The following NOX4 variants were observed in gnomAD, a reference collection of about 807,000 sequenced individuals.
NOX4 encodes the protein NADPH oxidase 4, also known as kidney oxidase-1.
Under a neutral mutation model 87.6 loss-of-function variants are expected in NOX4, and 69 were observed. The observed-to-expected ratio is 0.79, with a 90% confidence interval of 0.65 to 0.96. NOX4 has a LOEUF of 0.96. Among genes scored for constraint, NOX4 ranks in the 40% least tolerant of loss-of-function variants. NOX4 has a pLI of 0.00. For synonymous variants in NOX4, 275 were observed against 238.2 expected (o/e 1.15, Z -1.42); for missense variants, 680 against 681.5 (o/e 1.00, Z 0.02).
intron 11 of NOX4, among the ~76,000 whole-genome samples, chr11:89,399,773 G>A (rs1188092623): frequency 1.3e-5 from 2 of 151,492 alleles, no homozygotes; most frequent in Non-Finnish European, 2.9e-5. Context: ...CCTATATTTT[G>A]AATCAACAAG....
chr11:89,328,504 G>A (rs1215592398), intron 17 of NOX4, among the ~76,000 whole-genome samples: 2 of 152,042 alleles, frequency 1.3e-5, no homozygotes, highest in South Asian at 2.1e-4. Context: ...AACTGAACCC[G>A]AGTAACTTAA....
chr11:89,396,676 C>G (rs1265930825), intron 11 of NOX4, among the ~76,000 whole-genome samples: 2 of 152,038 alleles, frequency 1.3e-5, no homozygotes, highest in Non-Finnish European at 2.9e-5. Context: ...ATCCTAGTCT[C>G]TGATAAAACA....
chr11:89,444,103 G>A, intron 5 of NOX4, 32 bp downstream of exon 5: 1 of 1,589,274 alleles, frequency 6.3e-7, no homozygotes, highest in Non-Finnish European at 8.6e-7. Context: ...CATGACAAGT[G>A]AAAGAAAAAT....
the NOX4 span, among the ~76,000 whole-genome samples, chr11:89,574,253 G>A: frequency 6.6e-6 from 1 of 152,138 alleles, no homozygotes; most frequent in Non-Finnish European, 1.5e-5. Context: ...ACGCTTGTCT[G>A]ATTCCAACCC....
At chr11:89,449,343 A>T in intron 4 of NOX4, 97 bp downstream of exon 4, 1 of 834,790 alleles carries the variant, frequency 1.2e-6, no homozygotes, top group Non-Finnish European at 1.8e-6. Context: ...GAATAAGATT[A>T]GGGAAAACTT....
intron 6 of NOX4, among the ~76,000 whole-genome samples, chr11:89,438,829 C>A (rs188838061): frequency 0.44 from 13,995 of 31,976 alleles, 2,777 homozygotes; most frequent in African/African-American, 0.55. Context: ...TATATAATAT[C>A]TTATATATTA....
At chr11:89,378,139 C>A (rs317174) in intron 11 of NOX4, among the ~76,000 whole-genome samples, 82,024 of 151,956 alleles carry the variant, frequency 0.54, 23,269 homozygotes, top group East Asian at 0.73. Flanking sequence ...CTGTGAAAAA[C>A]CACCCATATT....
chr11:89,398,499 G>A (rs1427872230), intron 11 of NOX4, among the ~76,000 whole-genome samples: 1 of 151,602 alleles, frequency 6.6e-6, no homozygotes, highest in Non-Finnish European at 1.5e-5. Flanking sequence ...ATGAACTCAG[G>A]ATTAGGCAAA....
chr11:89,408,475 CATTTAG>C (rs1942305941), intron 8 of NOX4, among the ~76,000 whole-genome samples: 2 of 152,138 alleles, frequency 1.3e-5, no homozygotes, highest in South Asian at 4.1e-4. Flanking sequence ...TTGCTAGGTG[CATTTAG>C]AAGTAGAGTG....
chr11:89,465,990 C>T (rs1269121855), intron 2 of NOX4, among the ~76,000 whole-genome samples: 2 of 152,068 alleles, frequency 1.3e-5, no homozygotes, highest in African/African-American at 4.8e-5. Context: ...AGGATTAATG[C>T]CTTTATAAGA....
At chr11:89,433,634 C>A (rs772458468) in intron 6 of NOX4, among the ~76,000 whole-genome samples, 19 of 151,880 alleles carry the variant, frequency 1.3e-4, no homozygotes, top group African/African-American at 3.9e-4. Flanking sequence ...AAACACAGAA[C>A]AAAAATTGGA....
At chr11:89,383,384 G>C (rs1343225554) in intron 11 of NOX4, among the ~76,000 whole-genome samples, 7 of 152,194 alleles carry the variant, frequency 4.6e-5, no homozygotes, top group African/African-American at 7.2e-5. Flanking sequence ...GCTACTCCCA[G>C]AGCCCCTGGA....
chr11:89,365,491 A>T (rs1355887278), intron 12 of NOX4, among the ~76,000 whole-genome samples: 1 of 151,940 alleles, frequency 6.6e-6, no homozygotes, highest in Non-Finnish European at 1.5e-5. Flanking sequence ...GTGAAGGCAA[A>T]TAACAGACAT....
At chr11:89,445,218 T>C (rs549393192) in intron 4 of NOX4, among the ~76,000 whole-genome samples, 3 of 152,214 alleles carry the variant, frequency 2.0e-5, no homozygotes, top group South Asian at 2.1e-4. Context: ...AGTAAACCAT[T>C]ATAGTTCACA....
chr11:89,550,658 ATTTG>A, the NOX4 span, among the ~76,000 whole-genome samples: 2,285 of 152,026 alleles, frequency 0.015, 51 homozygotes, highest in African/African-American at 0.048. Context: ...TTTCTTGTAA[ATTTG>A]TTTAAGTTCT....
At chr11:89,495,778 GA>G (rs1219055642), upstream of NOX4, among the ~76,000 whole-genome samples, 1 of 152,092 alleles carries the variant, frequency 6.6e-6, no homozygotes, top group Non-Finnish European at 1.5e-5. Context: ...TATAGACCAG[GA>G]AACATGCCTG....
chr11:89,396,915 C>G (rs1270464560), intron 11 of NOX4, among the ~76,000 whole-genome samples: 7 of 152,026 alleles, frequency 4.6e-5, no homozygotes, highest in African/African-American at 2.4e-5. Context: ...ATCAATGAGA[C>G]AGAAGGTTAA....
intron 4 of NOX4, 67 bp downstream of exon 4, chr11:89,449,373 T>A: frequency 8.5e-7 from 1 of 1,179,626 alleles, no homozygotes; most frequent in Non-Finnish European, 1.2e-6. Context: ...ATTCTGTGTA[T>A]GTCTGGAATG....
the NOX4 span, among the ~76,000 whole-genome samples, chr11:89,539,031 A>T: frequency 1.3e-5 from 2 of 152,176 alleles, no homozygotes; most frequent in South Asian, 4.1e-4. Context: ...ACACTTGAAA[A>T]TACAGCAAGA....
Sources: gnomAD v4.1 joint callset for allele counts (sites outside exome capture counted in the v4.1 genomes callset) on GRCh38, gnomAD v4.1.1 for gene constraint, MANE v1.5 for transcripts, NCBI Gene and HGNC (gene_info 2026-07-23, HGNC 2026-07-21) for gene names.